Variants in NR5A2 observed in about 807,000 individuals in gnomAD.
NR5A2 encodes nuclear receptor subfamily 5 group A member 2.
In NR5A2, 26 loss-of-function variants were observed where a neutral mutation model predicts 62.7. That is an observed-to-expected ratio of 0.41 (90% CI 0.30 to 0.58). The LOEUF is 0.58. Among genes scored for constraint, NR5A2 ranks in the 20% least tolerant of loss-of-function variants. NR5A2 has a pLI of 0.22. For missense variants in NR5A2, 541 were observed against 669.1 expected (o/e 0.81, Z 2.11); for synonymous variants, 246 against 241.7 (o/e 1.02, Z -0.16).
chr1:200,040,810 G>A (rs1027491849), intron 2 of NR5A2, among the ~76,000 whole-genome samples: 1 of 152,254 alleles, frequency 6.6e-6, no homozygotes, highest in Non-Finnish European at 1.5e-5. Flanking sequence ...GGCGCGCCCG[G>A]GCGCTCAGGC....
intron 5 of NR5A2, among the ~76,000 whole-genome samples, chr1:200,070,241 T>C (rs993022701): frequency 2.6e-5 from 4 of 152,166 alleles, no homozygotes; most frequent in African/African-American, 9.7e-5. Flanking sequence ...CTTTGTGCAT[T>C]TGCTGTGGGC....
At chr1:200,034,584 G>C (rs1290029561) in intron 1 of NR5A2, among the ~76,000 whole-genome samples, 1 of 134,616 alleles carries the variant, frequency 7.4e-6, no homozygotes, top group Non-Finnish European at 1.6e-5. Flanking sequence ...TGGGGCAAGG[G>C]TGGGAGGTTG....
At chr1:200,128,186 A>G (rs780540821) in intron 7 of NR5A2, among the ~76,000 whole-genome samples, 12 of 152,194 alleles carry the variant, frequency 7.9e-5, no homozygotes, top group Non-Finnish European at 1.6e-4. Flanking sequence ...GAACCCGAGC[A>G]TACAAAACAT....
intron 7 of NR5A2, among the ~76,000 whole-genome samples, chr1:200,135,809 T>C (rs1294424998): frequency 6.6e-6 from 1 of 152,158 alleles, no homozygotes; most frequent in Admixed American, 6.5e-5. Flanking sequence ...TATTAATAAG[T>C]GATTATTACT....
intron 5 of NR5A2, among the ~76,000 whole-genome samples, chr1:200,080,214 G>A (rs1388644110): frequency 6.6e-6 from 1 of 152,092 alleles, no homozygotes; most frequent in Non-Finnish European, 1.5e-5. Context: ...TGGCTCAAAT[G>A]TTACAATCAA....
intron 7 of NR5A2, among the ~76,000 whole-genome samples, chr1:200,171,539 A>G (rs1390373601): frequency 6.6e-6 from 1 of 152,192 alleles, no homozygotes; most frequent in Non-Finnish European, 1.5e-5. Flanking sequence ...ACTGGAAGTC[A>G]GGAATTTGAG....
At chr1:200,166,398 T>C (rs527908034) in intron 7 of NR5A2, among the ~76,000 whole-genome samples, 1 of 152,320 alleles carries the variant, frequency 6.6e-6, no homozygotes, top group African/African-American at 2.4e-5. Context: ...TAGTGATTTG[T>C]GGCATTTAAG....
chr1:200,167,034 C>T (rs1213703588), intron 7 of NR5A2, among the ~76,000 whole-genome samples: 1 of 152,118 alleles, frequency 6.6e-6, no homozygotes, highest in East Asian at 1.9e-4. Flanking sequence ...TACAATTTAG[C>T]TTATCCTGAA....
At chr1:200,130,614 C>T (rs932415509) in intron 7 of NR5A2, among the ~76,000 whole-genome samples, 1 of 152,202 alleles carries the variant, frequency 6.6e-6, no homozygotes, top group Non-Finnish European at 1.5e-5. Flanking sequence ...CTGAAATAAG[C>T]ATTATAGTCT....
intron 3 of NR5A2, chr1:200,044,274 G>A (rs1390485457): frequency 1.3e-5 from 2 of 154,012 alleles, no homozygotes; most frequent in Non-Finnish European, 2.9e-5. Flanking sequence ...TTTAACTTCA[G>A]AGTATTTCTG....
At chr1:200,046,190 G>A (rs192885658) in intron 4 of NR5A2, among the ~76,000 whole-genome samples, 121 of 152,166 alleles carry the variant, frequency 8.0e-4, no homozygotes, top group Non-Finnish European at 1.4e-3. Flanking sequence ...GAAAAATAAC[G>A]AACTATTAAA....
At chr1:200,111,156 G>A (rs1665922348) in intron 5 of NR5A2, 46 bp from the exon 6 acceptor site, 3 of 1,597,590 alleles carry the variant, frequency 1.9e-6, no homozygotes, top group South Asian at 1.1e-5. Flanking sequence ...GAATAACAGT[G>A]TCATTTTTTG....
rs1355326021 is a variant in NR5A2 at position 200,048,798 on chromosome 1, A to G, written c.1090A>G (p.Ile364Val). Reference protein sequence around the residue: ...FSIVEWARSSIFFRELKVDDQ... With the variant: ...FSIVEWARSSVFFRELKVDDQ... ...CATTGTCGAGTGGGCCAGGAGTAGTATCTTCTTCAGAGAACTTAAGGTATG... is the reference window on the plus strand; with the variant it reads ...CATTGTCGAGTGGGCCAGGAGTAGTGTCTTCTTCAGAGAACTTAAGGTATG... The change falls in exon 5 of 8, where the codon ATC becomes GTC. Residue 364 changes from isoleucine to valine, a missense_variant. Transcript: ENST00000367362. The surrounding 1 kb of genome is among the most constrained non-coding windows in gnomAD (Gnocchi z 4.8). 1 of 1,613,972 alleles carries G rather than the reference A, an allele frequency of 6.2e-7. No individual in the cohort carries two copies. The highest frequency in any genetic ancestry group is 1.3e-5 in the African/African-American group (1 of 74,922).
Position 200,048,099 on chromosome 1 carries a change from A to G in NR5A2, c.464-73A>G, listed in dbSNP as rs180988155. 2.1e-5 allele frequency: 28 copies of G among 1,354,622 alleles called. No homozygotes were observed. In the Admixed American group the frequency reaches 2.5e-4, roughly 12 times the overall value. The allele number at this position is 1,354,622 out of a possible 1,614,324, so 83.9% of individuals were successfully genotyped here. On this transcript the variant is annotated intron_variant, in intron 4 of 7. Transcript: ENST00000367362. The surrounding 1 kb of genome is among the most constrained non-coding windows in gnomAD (Gnocchi z 4.8). ...ACTTCTTGTCGATTTACATTTCTAA[A>G]TATCTGAAGAATGCTAATAATTTGC...
intron 5 of NR5A2, among the ~76,000 whole-genome samples, chr1:200,050,521 A>C (rs780425547): frequency 1.3e-5 from 2 of 152,206 alleles, no homozygotes; most frequent in Non-Finnish European, 2.9e-5. Flanking sequence ...GAAAATGAGA[A>C]TATGCAGATA....
intron 2 of NR5A2, among the ~76,000 whole-genome samples, chr1:200,043,371 A>G (rs1662208358): frequency 6.6e-6 from 1 of 152,250 alleles, no homozygotes. Flanking sequence ...GAGGGAATAA[A>G]GCCTGCGCTT....
intron 5 of NR5A2, among the ~76,000 whole-genome samples, chr1:200,078,617 T>C (rs528942003): frequency 6.6e-6 from 1 of 152,328 alleles, no homozygotes; most frequent in South Asian, 2.1e-4. Context: ...TATACCCCTC[T>C]ACTTTTTTTA....
At chr1:200,138,720 G>C (rs956701439) in intron 7 of NR5A2, among the ~76,000 whole-genome samples, 12 of 152,068 alleles carry the variant, frequency 7.9e-5, no homozygotes, top group African/African-American at 2.9e-4. Flanking sequence ...ATGTATTCAA[G>C]ATCTGTATAT....
intron 7 of NR5A2, among the ~76,000 whole-genome samples, chr1:200,161,066 G>C (rs1653619511): frequency 6.6e-6 from 1 of 152,098 alleles, no homozygotes; most frequent in Non-Finnish European, 1.5e-5. Flanking sequence ...TTTGGGAGCA[G>C]ATGGTCTTTA....
Sources: gnomAD v4.1 joint callset for allele counts (sites outside exome capture counted in the v4.1 genomes callset) on GRCh38, gnomAD v4.1.1 for gene constraint, Gnocchi (gnomAD v3.1) non-coding constraint, MANE v1.5 for transcripts, NCBI Gene and HGNC (gene_info 2026-07-23, HGNC 2026-07-21) for gene names.